Variants in EPAS1 observed in about 807,000 individuals in gnomAD.
EPAS1 encodes endothelial PAS domain-containing protein 1.
In EPAS1, 23 loss-of-function variants were observed where a neutral mutation model predicts 87.9. That is an observed-to-expected ratio of 0.26 (90% CI 0.19 to 0.37). EPAS1 has a LOEUF of 0.37. EPAS1 is among the 10% of genes least tolerant of loss of function. The pLI is 1.00. For synonymous variants in EPAS1, 508 were observed against 444.3 expected, an observed-to-expected ratio of 1.14 and a Z score of -1.80; for missense variants, 1,138 against 1,120.7, an observed-to-expected ratio of 1.02 and a Z score of -0.22.
At chr2:46,323,375 C>T (rs1028752814) in intron 1 of EPAS1, among the ~76,000 whole-genome samples, 15 of 152,252 alleles carry the variant, frequency 9.9e-5, no homozygotes, top group Non-Finnish European at 2.9e-5. Context: ...ACTGTGTCCA[C>T]ACCTGATGAG....
At chr2:46,381,553 T>TGGCTCCAG (rs1684891324) in intron 12 of EPAS1, 43 bp from the exon 13 acceptor site, 2 of 1,613,590 alleles carry the variant, frequency 1.2e-6, no homozygotes, top group African/African-American at 2.7e-5. Context: ...GAGTGGCATG[T>TGGCTCCAG]GGCTCCAGAC....
chr2:46,345,489 C>A (rs1684005595), intron 1 of EPAS1, among the ~76,000 whole-genome samples: 1 of 152,108 alleles, frequency 6.6e-6, no homozygotes, highest in African/African-American at 2.4e-5. Flanking sequence ...GCCCACCTTC[C>A]CAGTGCAAAG....
intron 1 of EPAS1, among the ~76,000 whole-genome samples, chr2:46,335,379 C>T (rs186990240): frequency 7.6e-4 from 116 of 151,716 alleles, no homozygotes; most frequent in Middle Eastern, 6.8e-3. Context: ...CTGTCTGTCC[C>T]GGTTATGTGC....
chr2:46,375,278 G>T lies in EPAS1; in HGVS notation c.887-412G>T, dbSNP rs114529172. Among the ~76,000 whole-genome samples the T allele has an allele frequency of 2.0e-5, 3 of 151,838 alleles. No homozygotes were observed. The highest frequency in any genetic ancestry group is 2.0e-4 in the Admixed American group (3 of 15,266). ...CACCTGGAGTGCTTGACGGGATGGC[G>T]CTCCTTACCCAGTGTGAAGGGGCTT... On this transcript the variant is annotated intron_variant, in intron 7 of 15. Transcript: ENST00000263734. The surrounding 1 kb of genome is among the most constrained non-coding windows in gnomAD (Gnocchi z 4.1).
intron 1 of EPAS1, among the ~76,000 whole-genome samples, chr2:46,319,297 G>A (rs1459912071): frequency 6.6e-6 from 1 of 152,204 alleles, no homozygotes; most frequent in African/African-American, 2.4e-5. Context: ...TGAGCCAGGA[G>A]CTGCTAGCTG....
chr2:46,374,545 T>C (rs1684696843), intron 7 of EPAS1, among the ~76,000 whole-genome samples: 1 of 152,156 alleles, frequency 6.6e-6, no homozygotes, highest in Admixed American at 6.5e-5. Flanking sequence ...ACTATTATTA[T>C]CAATATCCTG....
chr2:46,335,422 G>C (rs1248801914), intron 1 of EPAS1, among the ~76,000 whole-genome samples: 1 of 120,484 alleles, frequency 8.3e-6, no homozygotes, highest in Non-Finnish European at 1.6e-5. Flanking sequence ...TTTCCATCCA[G>C]AATGTTTGAC....
chr2:46,355,533 CTG>C (rs1197526810), intron 2 of EPAS1, among the ~76,000 whole-genome samples: 4 of 152,220 alleles, frequency 2.6e-5, no homozygotes, highest in Non-Finnish European at 5.9e-5. Context: ...TCGTCGGTCA[CTG>C]TGAAGATTAC....
intron 1 of EPAS1, among the ~76,000 whole-genome samples, chr2:46,312,828 G>T (rs977345258): frequency 2.5e-4 from 38 of 152,218 alleles, no homozygotes; most frequent in Non-Finnish European, 7.3e-5. Flanking sequence ...GGTCTGACCA[G>T]TTATGCTCCT....
chr2:46,374,456 C>T lies in EPAS1; in HGVS notation c.887-1234C>T, dbSNP rs980005198. ...GGTCAACACTTATGTACCTGATAAG[C>T]CATGTGGGTACAGTCGATCCTCAGT... On this transcript the variant is annotated intron_variant, in intron 7 of 15. Coordinates refer to ENST00000263734, the MANE Select transcript of EPAS1 (RefSeq NM_001430.5). Among the ~76,000 whole-genome samples, 5 of 152,208 alleles carry T rather than the reference C, an allele frequency of 3.3e-5. No homozygotes were observed. In the East Asian group the frequency reaches 9.6e-4, roughly 29 times the overall value.
At chr2:46,315,215 G>A (rs976967300) in intron 1 of EPAS1, among the ~76,000 whole-genome samples, 3 of 152,192 alleles carry the variant, frequency 2.0e-5, no homozygotes, top group Admixed American at 2.0e-4. Flanking sequence ...AACCCATGCA[G>A]GCAACCCGGA....
Position 46,378,614 on chromosome 2 carries a change from G to A in EPAS1, c.1444-43G>A, listed in dbSNP as rs147880251. The A allele has an allele frequency of 1.1e-4, 171 of 1,547,842 alleles. No individual in the cohort carries two copies. In the African/African-American group the frequency reaches 2.0e-3, roughly 19 times the overall value. ...CCATGCTGGACTTCTGGGGAGACCA[G>A]TGCCATATCTTTGACTCTGTCCCCC... On this transcript the variant is annotated intron_variant, in intron 10 of 15. Transcript: ENST00000263734.
intron 6 of EPAS1, among the ~76,000 whole-genome samples, chr2:46,367,484 A>C (rs1684526821): frequency 6.6e-6 from 1 of 152,228 alleles, no homozygotes; most frequent in Admixed American, 6.5e-5. Context: ...CCCAGCAGCG[A>C]AGCCATTTGA....
intron 1 of EPAS1, among the ~76,000 whole-genome samples, chr2:46,331,059 C>T (rs1683663002): frequency 6.6e-6 from 1 of 152,190 alleles, no homozygotes; most frequent in Non-Finnish European, 1.5e-5. Flanking sequence ...TCTCTGCATA[C>T]ATGTATATAT....
At chr2:46,326,097 G>T (rs1683556972) in intron 1 of EPAS1, among the ~76,000 whole-genome samples, 1 of 152,218 alleles carries the variant, frequency 6.6e-6, no homozygotes, top group South Asian at 2.1e-4. Flanking sequence ...GATTGGATCA[G>T]TTCCTTCTAG....
At chr2:46,353,472 C>A (rs1225145333) in intron 2 of EPAS1, among the ~76,000 whole-genome samples, 7 of 152,188 alleles carry the variant, frequency 4.6e-5, no homozygotes, top group Non-Finnish European at 8.8e-5. Flanking sequence ...TGAGAGGTCT[C>A]ACATTTTTAT....
At position 46,382,026 on chromosome 2, in the gene EPAS1, A is replaced by C. The variant is rs768456223; in HGVS notation, c.2224A>C (p.Asn742His). 2 of 1,614,074 alleles carry C rather than the reference A, an allele frequency of 1.2e-6. No homozygotes were observed. The highest frequency in any genetic ancestry group is 4.5e-5 in the East Asian group (2 of 44,870). Residue 742 changes from asparagine to histidine, a missense_variant, in exon 14 of 16, where the codon AAC becomes CAC. Around this residue, in one of 4 missense-constraint regions of EPAS1, gnomAD observed 502 missense variants for 427.1 expected, o/e 1.18. Coordinates refer to ENST00000263734, the MANE Select transcript of EPAS1 (RefSeq NM_001430.5). Reference protein sequence around the residue: ...TSHLMWKRMKNLRGGSCPLMP... With the variant: ...TSHLMWKRMKHLRGGSCPLMP... ...ACATTTGATGTGGAAACGGATGAAG[A>C]ACCTCAGGGGTGGGAGCTGCCCTTT...
In EPAS1 at chr2:46,301,578, G is replaced by GA. The variant is rs3053642; in HGVS notation, c.26+3659dup. Among the ~76,000 whole-genome samples, 584 of 124,178 alleles carry GA rather than the reference G, an allele frequency of 4.7e-3. 2 individuals carry two copies. Among genetic ancestry groups the GA allele is most frequent in the Non-Finnish European group, 6.5e-3 (386 of 59,460 alleles). The allele number at this position is 124,178 out of a possible 152,430, so 81.5% of individuals were successfully genotyped here. The stretch of plus-strand genomic sequence containing the variant: ...GGCAAGAGTGAAATTCCGTCTCAAA[G>GA]AAAAAAAAAAAAAAAAAAGTCAGAA... On this transcript the variant is annotated intron_variant, in intron 1 of 15. Coordinates refer to ENST00000263734, the MANE Select transcript of EPAS1 (RefSeq NM_001430.5).
Position 46,378,044 on chromosome 2 carries a change from G to A in EPAS1, c.1400G>A (p.Ser467Asn), listed in dbSNP as rs772047070. The change falls in exon 10 of 16, where the codon AGC becomes AAC. Residue 467 changes from serine to asparagine, a missense_variant. Ser to Asn is a conservative substitution (Grantham distance 46). Transcript: ENST00000263734. ...GTGCCCCAGGCAGCTGCCCCGGGCA[G>A]CACCACCCCCAGTGCCACCAGCAGC... ...FTVPQAAAPG[S>N]TTPSATSSSS... 2 of 1,606,632 alleles carry A rather than the reference G, an allele frequency of 1.2e-6. No homozygotes were observed. Among genetic ancestry groups the A allele is most frequent in the Admixed American group, 3.4e-5 (2 of 59,464 alleles).
Sources: gnomAD v4.1 joint callset for allele counts (sites outside exome capture counted in the v4.1 genomes callset) on GRCh38, gnomAD v4.1.1 for gene constraint, gnomAD v4.1.1 regional missense constraint, Gnocchi (gnomAD v3.1) non-coding constraint, MANE v1.5 for transcripts, NCBI Gene and HGNC (gene_info 2026-07-23, HGNC 2026-07-21) for gene names.